ELAVL2: variants seen among roughly 807,000 people sequenced by gnomAD.
ELAVL2 encodes the protein ELAV like RNA binding protein 2, also known as ELAV-like protein 2.
In ELAVL2, 4 loss-of-function variants were observed where a neutral mutation model predicts 34.6. That is an observed-to-expected ratio of 0.12 (90% confidence interval 0.06 to 0.26). The LOEUF (loss-of-function observed/expected upper bound fraction) is 0.26, where lower values mean the gene tolerates loss of function less well. ELAVL2 is among the 10% of genes least tolerant of loss of function. ELAVL2 has a pLI of 1.00. For missense variants in ELAVL2, 432 were observed against 442.8 expected (o/e 0.98, Z 0.22); for synonymous variants, 193 against 154.8 (o/e 1.25, Z -1.83).
chr9:23,788,349 T>C (rs983426723), intron 1 of ELAVL2, among the ~76,000 whole-genome samples: 2 of 152,192 alleles, frequency 1.3e-5, no homozygotes, highest in African/African-American at 4.8e-5. Flanking sequence ...AAAATAATCC[T>C]ATCATCTCAT....
At chr9:23,804,682 C>G (rs1417344231) in intron 1 of ELAVL2, among the ~76,000 whole-genome samples, 4 of 152,154 alleles carry the variant, frequency 2.6e-5, no homozygotes, top group Non-Finnish European at 5.9e-5. Context: ...AAAAAAACTT[C>G]TGAAAACTTA....
intron 4 of ELAVL2, 72 bp downstream of exon 4, chr9:23,704,845 TG>T: frequency 3.2e-6 from 5 of 1,577,940 alleles, no homozygotes; most frequent in Non-Finnish European, 3.5e-6. Context: ...GACTGCTACA[TG>T]GAAAGACAGA....
chr9:23,811,755 G>T (rs2063036517), intron 1 of ELAVL2, among the ~76,000 whole-genome samples: 1 of 152,100 alleles, frequency 6.6e-6, no homozygotes, highest in African/African-American at 2.4e-5. Context: ...CTACTCTTCT[G>T]GGACAACAGT....
At chr9:23,801,645 G>C (rs892263328) in intron 1 of ELAVL2, among the ~76,000 whole-genome samples, 2 of 152,178 alleles carry the variant, frequency 1.3e-5, no homozygotes, top group African/African-American at 4.8e-5. Context: ...GATCCAGTTA[G>C]GGTGTATAAA....
intron 1 of ELAVL2, among the ~76,000 whole-genome samples, chr9:23,792,049 A>G (rs1296415568): frequency 6.6e-6 from 1 of 152,188 alleles, no homozygotes; most frequent in Non-Finnish European, 1.5e-5. Flanking sequence ...CAAGATCGAT[A>G]CACATTCAGT....
chr9:23,774,235 A>AAAAAAAAAAAAG (rs59791462), intron 1 of ELAVL2, among the ~76,000 whole-genome samples: 5 of 132,316 alleles, frequency 3.8e-5, no homozygotes, highest in African/African-American at 1.3e-4. Context: ...AAAAAAAAAA[A>AAAAAAAAAAAAG]AAAGAAAGAA....
In ELAVL2 at chr9:23,692,779, G is replaced by T. The variant is rs142761114; in HGVS notation, c.858C>A (p.Asp286Glu). ...TTTGCCACAGGATACTCTCATCTGCGTCAGGAGCCAGGTTGTACACAAATA... is the reference window on the plus strand; with the variant it reads ...TTTGCCACAGGATACTCTCATCTGCTTCAGGAGCCAGGTTGTACACAAATA... ...WCIFVYNLAP[D>E]ADESILWQMF... The change falls in exon 7 of 7, where the codon GAC becomes GAA. Residue 286 changes from aspartate (D) to glutamate (E), a missense_variant. Asp to Glu is a conservative substitution (Grantham distance 45). This residue lies in a region of ELAVL2 where 295 missense variants were observed against 306.1 expected (regional missense o/e 0.96). Transcript: ENST00000397312. The T allele has an allele frequency of 1.2e-6, 2 of 1,614,144 alleles. No individual in the cohort carries two copies. The highest frequency in any genetic ancestry group is 1.7e-6 in the Non-Finnish European group (2 of 1,180,006).
At chr9:23,810,290 C>CA (rs1258887558) in intron 1 of ELAVL2, among the ~76,000 whole-genome samples, 6 of 152,046 alleles carry the variant, frequency 3.9e-5, no homozygotes, top group African/African-American at 1.4e-4. Context: ...GGAAATGCCT[C>CA]CAGAAGTCAC....
intron 3 of ELAVL2, among the ~76,000 whole-genome samples, chr9:23,713,855 A>C (rs2133796335): frequency 6.6e-6 from 1 of 152,292 alleles, no homozygotes; most frequent in African/African-American, 2.4e-5. Context: ...TCCCATGTTA[A>C]GGAGTAAAAA....
At chr9:23,751,154 G>A (rs1021086862) in intron 2 of ELAVL2, among the ~76,000 whole-genome samples, 3 of 151,992 alleles carry the variant, frequency 2.0e-5, no homozygotes, top group Admixed American at 1.3e-4. Flanking sequence ...GGGGGTGGTG[G>A]ATACAGGACT....
intron 2 of ELAVL2, among the ~76,000 whole-genome samples, chr9:23,731,925 C>T (rs1364017241): frequency 6.6e-6 from 1 of 152,148 alleles, no homozygotes; most frequent in African/African-American, 2.4e-5. Context: ...TTCACTGATG[C>T]CCTAGATCTC....
At chr9:23,772,282 T>C (rs956928557) in intron 1 of ELAVL2, among the ~76,000 whole-genome samples, 2 of 152,112 alleles carry the variant, frequency 1.3e-5, no homozygotes, top group Non-Finnish European at 2.9e-5. Context: ...ATAGCTCCTC[T>C]GTTGGATACA....
At chr9:23,743,515 C>T (rs1039516114) in intron 2 of ELAVL2, among the ~76,000 whole-genome samples, 8 of 152,082 alleles carry the variant, frequency 5.3e-5, no homozygotes, top group Non-Finnish European at 8.8e-5. Flanking sequence ...ATTATCCTGC[C>T]GAATGAGCAG....
chr9:23,720,622 G>A (rs767705198), intron 3 of ELAVL2, among the ~76,000 whole-genome samples: 4 of 152,130 alleles, frequency 2.6e-5, no homozygotes, highest in East Asian at 1.9e-4. Flanking sequence ...GTGTGAGAAC[G>A]TGCATTATTT....
At chr9:23,705,727 T>A (rs2039105207) in intron 3 of ELAVL2, among the ~76,000 whole-genome samples, 1 of 152,218 alleles carries the variant, frequency 6.6e-6, no homozygotes, top group Admixed American at 6.5e-5. Flanking sequence ...AATCTAATGC[T>A]GCAGCTAATC....
intron 2 of ELAVL2, among the ~76,000 whole-genome samples, chr9:23,758,176 G>A (rs907239673): frequency 8.5e-5 from 13 of 152,054 alleles, no homozygotes; most frequent in Non-Finnish European, 1.9e-4. Context: ...CCTAAAATAC[G>A]TACTGAGAAA....
At chr9:23,705,830 T>C (rs2039148562) in intron 3 of ELAVL2, among the ~76,000 whole-genome samples, 1 of 152,194 alleles carries the variant, frequency 6.6e-6, no homozygotes, top group Admixed American at 6.5e-5. Flanking sequence ...CGGACTGGTA[T>C]GGGTCCATGG....
intron 3 of ELAVL2, among the ~76,000 whole-genome samples, chr9:23,709,258 A>G (rs2040266167): frequency 6.6e-6 from 1 of 152,170 alleles, no homozygotes; most frequent in Non-Finnish European, 1.5e-5. Flanking sequence ...CCCTTCCTGG[A>G]AAACATTTCT....
intron 2 of ELAVL2, among the ~76,000 whole-genome samples, chr9:23,733,658 G>C (rs1057439713): frequency 6.6e-6 from 1 of 152,296 alleles, no homozygotes; most frequent in East Asian, 1.9e-4. Flanking sequence ...TGCCTACTGA[G>C]ATTAGATCAC....
Sources: allele counts gnomAD v4.1 joint callset (sites outside exome capture counted in the v4.1 genomes callset), GRCh38; gene constraint gnomAD v4.1.1; regional missense constraint gnomAD v4.1.1; transcripts MANE v1.5; gene names NCBI Gene and HGNC (gene_info 2026-07-23, HGNC 2026-07-21).